Variants in CLSTN2 observed in about 807,000 individuals in gnomAD.
The protein encoded by CLSTN2 is calsyntenin-2.
A neutral mutation model predicts 101.2 loss-of-function variants in CLSTN2; 48 were observed. The ratio of observed to expected loss-of-function variants is 0.47; its 90% confidence interval spans 0.38 to 0.60. CLSTN2 has a LOEUF of 0.60. Ranked by LOEUF, CLSTN2 falls within the 20% of genes least tolerant of loss-of-function variation. The pLI is 0.00. For missense variants in CLSTN2, 1,160 were observed against 1,238.2 expected, an observed-to-expected ratio of 0.94 and a Z score of 0.95; for synonymous variants, 481 against 463.6, an observed-to-expected ratio of 1.04 and a Z score of -0.48.
chr3:140,162,805 G>A (rs190190520), intron 1 of CLSTN2, among the ~76,000 whole-genome samples: 3 of 152,278 alleles, frequency 2.0e-5, no homozygotes, highest in Non-Finnish European at 4.4e-5. Context: ...TGAATATACT[G>A]TAAACCAGAT....
chr3:140,089,360 G>A (rs1044093402), intron 1 of CLSTN2, among the ~76,000 whole-genome samples: 1 of 152,240 alleles, frequency 6.6e-6, no homozygotes, highest in African/African-American at 2.4e-5. Context: ...GCTTCTGAGT[G>A]CCCTGGTTCA....
At chr3:139,955,139 T>TATATATA (rs1935370868) in intron 1 of CLSTN2, among the ~76,000 whole-genome samples, 1 of 139,860 alleles carries the variant, frequency 7.2e-6, no homozygotes, top group Non-Finnish European at 1.5e-5. Flanking sequence ...TATATATATA[T>TATATATA]GGCAATTCCA....
chr3:140,171,744 TATA>T (rs1306498894), intron 1 of CLSTN2, among the ~76,000 whole-genome samples: 2 of 109,680 alleles, frequency 1.8e-5, no homozygotes, highest in Non-Finnish European at 3.5e-5. Context: ...TATATTAATA[TATA>T]ATATGTATAA....
At chr3:140,118,863 T>A (rs2009290899) in intron 1 of CLSTN2, among the ~76,000 whole-genome samples, 1 of 152,236 alleles carries the variant, frequency 6.6e-6, no homozygotes, top group African/African-American at 2.4e-5. Context: ...GCAATCATTA[T>A]TATCACTTCA....
intron 1 of CLSTN2, among the ~76,000 whole-genome samples, chr3:140,127,188 G>T (rs116829762): frequency 6.6e-6 from 1 of 152,080 alleles, no homozygotes; most frequent in East Asian, 1.9e-4. Flanking sequence ...AACACAGATA[G>T]TAACAATCTG....
intron 1 of CLSTN2, among the ~76,000 whole-genome samples, chr3:140,130,941 C>A (rs1260688620): frequency 6.6e-6 from 1 of 152,108 alleles, no homozygotes; most frequent in Non-Finnish European, 1.5e-5. Context: ...AATTTTGCTT[C>A]TCTTTGATTT....
intron 5 of CLSTN2, among the ~76,000 whole-genome samples, chr3:140,441,907 G>C (rs575926086): frequency 1.3e-5 from 2 of 152,264 alleles, no homozygotes; most frequent in East Asian, 3.9e-4. Flanking sequence ...TGCACCTTCT[G>C]AGACATGGCA....
intron 1 of CLSTN2, among the ~76,000 whole-genome samples, chr3:140,058,497 T>G (rs1348460911): frequency 6.6e-6 from 1 of 152,198 alleles, no homozygotes; most frequent in Non-Finnish European, 1.5e-5. Flanking sequence ...AGCGGAGATC[T>G]TCATGGTGAA....
chr3:140,446,326 T>C (rs543432481), intron 5 of CLSTN2, among the ~76,000 whole-genome samples: 2 of 152,244 alleles, frequency 1.3e-5, no homozygotes, highest in East Asian at 3.9e-4. Flanking sequence ...TCCTTTACAA[T>C]TAGTCACTCT....
chr3:140,509,249 G>A (rs1399269022), intron 8 of CLSTN2, among the ~76,000 whole-genome samples: 1 of 152,142 alleles, frequency 6.6e-6, no homozygotes, highest in Admixed American at 6.5e-5. Flanking sequence ...TTTGGTAAAC[G>A]GTCTACTCTG....
At chr3:140,516,750 G>A (rs148526759) in intron 8 of CLSTN2, among the ~76,000 whole-genome samples, 19 of 152,182 alleles carry the variant, frequency 1.2e-4, no homozygotes, top group African/African-American at 4.1e-4. Flanking sequence ...CTTTTGCCTC[G>A]CAGCTCTTAA....
In CLSTN2 at chr3:140,282,648, T is replaced by C. The variant is rs2086859034; in HGVS notation, c.232+106575T>C. Among the ~76,000 whole-genome samples the C allele has an allele frequency of 2.0e-5, 3 of 152,156 alleles. No homozygotes were observed. The South Asian group carries it at 6.2e-4, about 32-fold the overall frequency. The stretch of plus-strand genomic sequence containing the variant: ...GATTCCTCCCATATTTGTCACATCA[T>C]GTGTGATCTTCTTGGAGGGTACTAT... On this transcript the variant is annotated intron_variant, in intron 2 of 16. Transcript: ENST00000458420.
intron 11 of CLSTN2, among the ~76,000 whole-genome samples, chr3:140,557,508 T>C (rs1279828902): frequency 6.6e-6 from 1 of 152,138 alleles, no homozygotes; most frequent in Non-Finnish European, 1.5e-5. Flanking sequence ...GAGAACAAAT[T>C]GGCCTGCGTC....
intron 5 of CLSTN2, among the ~76,000 whole-genome samples, chr3:140,426,216 T>C (rs536180397): frequency 6.6e-6 from 1 of 152,296 alleles, no homozygotes; most frequent in Admixed American, 6.5e-5. Flanking sequence ...GATGTCCCTA[T>C]CAACCCATCA....
Position 140,573,255 on chromosome 3 carries a change from C to G in CLSTN2, c.*7002C>G, listed in dbSNP as rs1175458650. 1 of 152,196 alleles carries G rather than the reference C, an allele frequency of 6.6e-6. No homozygotes were observed. Among genetic ancestry groups the G allele is most frequent in the Non-Finnish European group, 1.5e-5 (1 of 68,070 alleles). 9.4% of individuals were successfully genotyped at this position (152,196 alleles called of 1,614,324 possible). ...TAAGGACGTTGCCAGGTTGCCGCAG[C>G]ACTGCTCTGTTTGTTTGTAATGAGA... On this transcript the variant is annotated 3_prime_UTR_variant, in exon 17 of 17. Transcript: ENST00000458420.
intron 1 of CLSTN2, among the ~76,000 whole-genome samples, chr3:140,056,391 G>T (rs758772109): frequency 6.6e-6 from 1 of 152,092 alleles, no homozygotes; most frequent in Non-Finnish European, 1.5e-5. Context: ...CTCTGTACCC[G>T]CAGGGCTCCA....
chr3:140,047,904 T>A (rs1353303813), intron 1 of CLSTN2, among the ~76,000 whole-genome samples: 1 of 152,202 alleles, frequency 6.6e-6, no homozygotes, highest in South Asian at 2.1e-4. Flanking sequence ...TCAACATGAG[T>A]TTTGAAGTGG....
chr3:140,115,780 T>A (rs2009231412), intron 1 of CLSTN2, among the ~76,000 whole-genome samples: 2 of 152,308 alleles, frequency 1.3e-5, no homozygotes, highest in South Asian at 4.1e-4. Context: ...CCCATCCTAT[T>A]GTTCTCCTTG....
chr3:140,129,421 G>A lies in CLSTN2; in HGVS notation c.110-46530G>A, dbSNP rs189462547. On this transcript the variant is annotated intron_variant, in intron 1 of 16. Coordinates refer to ENST00000458420, the MANE Select transcript of CLSTN2 (RefSeq NM_022131.3). ...ACCTAGCTTCTTTTGTTAATTAGCT[G>A]TGATGATTTGGGAATGGTTAATCAA... 4.4e-4 allele frequency among the ~76,000 whole-genome samples: 67 copies of A among 152,276 alleles called. 1 individual carries two copies. Among genetic ancestry groups the A allele is most frequent in the African/African-American group, 1.6e-3 (66 of 41,546 alleles).
Sources: gnomAD v4.1 joint callset for allele counts (sites outside exome capture counted in the v4.1 genomes callset) on GRCh38, gnomAD v4.1.1 for gene constraint, MANE v1.5 for transcripts, NCBI Gene and HGNC (gene_info 2026-07-23, HGNC 2026-07-21) for gene names.